The following RAP1GAP2 variants were observed in gnomAD, a reference collection of about 807,000 sequenced individuals.
RAP1GAP2 encodes the protein RAP1 GTPase activating protein 2.
A neutral mutation model predicts 95.0 loss-of-function variants in RAP1GAP2; 27 were observed. That is an observed-to-expected ratio of 0.28 (90% CI 0.21 to 0.39). RAP1GAP2 has a LOEUF of 0.39. Ranked by LOEUF, RAP1GAP2 falls within the 10% of genes least tolerant of loss-of-function variation. RAP1GAP2 has a pLI of 1.00. For synonymous variants in RAP1GAP2, 373 were observed against 380.9 expected (o/e 0.98, Z 0.24); for missense variants, 771 against 970.0 (o/e 0.79, Z 2.72).
intron 18 of RAP1GAP2, among the ~76,000 whole-genome samples, chr17:3,020,087 G>C (rs1271893754): frequency 6.6e-6 from 1 of 152,244 alleles, no homozygotes; most frequent in Non-Finnish European, 1.5e-5. Flanking sequence ...AAGACCTTTG[G>C]TCTTCAGCTT....
chr17:2,895,702 G>A (rs1357439360), intron 2 of RAP1GAP2, among the ~76,000 whole-genome samples: 9 of 151,854 alleles, frequency 5.9e-5, no homozygotes, highest in South Asian at 2.1e-4. Context: ...TCAGCCTCCC[G>A]AGTAGCTGGG....
At chr17:2,808,284 G>A (rs78825958) in intron 2 of RAP1GAP2, among the ~76,000 whole-genome samples, 5,411 of 152,214 alleles carry the variant, frequency 0.036, 194 homozygotes, top group East Asian at 0.15. Flanking sequence ...GTGAAGGTGA[G>A]AAGAAGGGTC....
intron 2 of RAP1GAP2, among the ~76,000 whole-genome samples, chr17:2,833,689 CAAAAAA>C (rs112909808): frequency 5.6e-5 from 3 of 53,694 alleles, no homozygotes; most frequent in South Asian, 8.5e-4. Flanking sequence ...GACTCCGTCT[CAAAAAA>C]AAAAAAAAAA....
At chr17:2,927,197 AG>A (rs1276600893) in intron 3 of RAP1GAP2, among the ~76,000 whole-genome samples, 2 of 148,910 alleles carry the variant, frequency 1.3e-5, no homozygotes, top group Non-Finnish European at 3.0e-5. Context: ...TCTGTCACCC[AG>A]GCTGGAGTGC....
chr17:2,831,202 G>C (rs182458693), intron 2 of RAP1GAP2, among the ~76,000 whole-genome samples: 1 of 146,066 alleles, frequency 6.8e-6, no homozygotes, highest in Non-Finnish European at 1.5e-5. Context: ...TTAGCCTCCC[G>C]AGTAGTTGGG....
At chr17:2,911,260 A>ATTTTTTTTTTTTTTTTTTTTTTTTT (rs34227127) in intron 3 of RAP1GAP2, among the ~76,000 whole-genome samples, 1 of 132,032 alleles carries the variant, frequency 7.6e-6, no homozygotes, top group Non-Finnish European at 1.6e-5. Context: ...TTTGAAGGGG[A>ATTTTTTTTTTTTTTTTTTTTTTTTT]TTTTTTTTTT....
chr17:3,011,680 T>A (rs2046552627), intron 17 of RAP1GAP2, among the ~76,000 whole-genome samples: 1 of 139,262 alleles, frequency 7.2e-6, no homozygotes, highest in Admixed American at 8.1e-5. Flanking sequence ...AGTGCAGTGG[T>A]GCGACCTCGG....
rs539504764 is a variant in RAP1GAP2 at position 2,802,360 on chromosome 17, C to T, written c.80+1810C>T. Among the ~76,000 whole-genome samples the T allele has an allele frequency of 1.2e-4, 19 of 152,254 alleles. 1 individual carries two copies. The South Asian group carries it at 2.3e-3, about 18-fold the overall frequency. The stretch of plus-strand genomic sequence containing the variant: ...GGTGAGGCTGGGCAGTTCGCAGGGC[C>T]GGGATGGAGGACAGACTTTTCCTGC... On this transcript the variant is annotated intron_variant, in intron 2 of 24. Transcript: ENST00000254695.
intron 3 of RAP1GAP2, among the ~76,000 whole-genome samples, chr17:2,936,977 A>G (rs2043327240): frequency 6.6e-6 from 1 of 152,240 alleles, no homozygotes; most frequent in Admixed American, 6.5e-5. Context: ...TCTGTGTGCC[A>G]GGTGCTGGGA....
intron 3 of RAP1GAP2, among the ~76,000 whole-genome samples, chr17:2,948,120 G>A (rs1221454777): frequency 6.6e-6 from 1 of 152,216 alleles, no homozygotes; most frequent in African/African-American, 2.4e-5. Context: ...CTCTGTACAC[G>A]CTGGCCCGTG....
chr17:3,021,698 G>A (rs2046967935), intron 19 of RAP1GAP2, among the ~76,000 whole-genome samples: 2 of 152,230 alleles, frequency 1.3e-5, no homozygotes, highest in African/African-American at 4.8e-5. Context: ...GCCTCCCAAA[G>A]TGTTGGGATT....
At chr17:2,967,994 AAAG>A (rs1000818399) in intron 8 of RAP1GAP2, among the ~76,000 whole-genome samples, 143 of 152,208 alleles carry the variant, frequency 9.4e-4, no homozygotes, top group African/African-American at 2.7e-4. Context: ...GTTTGGATAT[AAAG>A]AAGAAGAAGT....
At chr17:2,955,292 G>A (rs773842318) in intron 3 of RAP1GAP2, among the ~76,000 whole-genome samples, 5 of 152,218 alleles carry the variant, frequency 3.3e-5, no homozygotes, top group Non-Finnish European at 7.3e-5. Flanking sequence ...GCTCACGCCT[G>A]TGATAGTCTG....
intron 3 of RAP1GAP2, among the ~76,000 whole-genome samples, chr17:2,955,456 C>T (rs1023555780): frequency 1.3e-5 from 2 of 152,080 alleles, no homozygotes; most frequent in African/African-American, 4.8e-5. Flanking sequence ...ATCCTTTGCC[C>T]GTTTTTAAAT....
upstream of RAP1GAP2, among the ~76,000 whole-genome samples, chr17:2,773,449 C>A (rs2068436207): frequency 6.6e-6 from 1 of 152,148 alleles, no homozygotes; most frequent in South Asian, 2.1e-4. Context: ...TGACACAGAG[C>A]CACATGGGCA....
chr17:2,912,877 T>C (rs575593266), intron 3 of RAP1GAP2, among the ~76,000 whole-genome samples: 1 of 152,228 alleles, frequency 6.6e-6, no homozygotes, highest in South Asian at 2.1e-4. Flanking sequence ...CTAGGAGGCT[T>C]TAAGAACATG....
intron 3 of RAP1GAP2, among the ~76,000 whole-genome samples, chr17:2,927,433 G>C (rs112391906): frequency 2.6e-5 from 4 of 151,804 alleles, no homozygotes; most frequent in South Asian, 2.1e-4. Flanking sequence ...GATTACAGGC[G>C]TGAGCCACCG....
In RAP1GAP2 at chr17:2,832,501, T is replaced by G. The variant is rs1348074405; in HGVS notation, c.80+31951T>G. Among the ~76,000 whole-genome samples the G allele has an allele frequency of 3.6e-5, 5 of 137,138 alleles. No individual in the cohort carries two copies. The Admixed American group carries it at 4.2e-4, about 11-fold the overall frequency. 90.0% of individuals were successfully genotyped at this position (137,138 alleles called of 152,430 possible). A position where few individuals can be genotyped will look rare whatever the true frequency, so the allele number is the denominator to read the frequency against. On this transcript the variant is annotated intron_variant, in intron 2 of 24. Transcript: ENST00000254695. ...TGAACCCAGGAGGTGGAGGTTGCAG[T>G]GAGCCGAGATCGCGCCACTGCACTC...
At position 3,027,792 on chromosome 17, in the gene RAP1GAP2, GGGGAGA is replaced by G. The variant is rs1341669455; in HGVS notation, c.2107+725_2107+730del. On this transcript the variant is annotated intron_variant, in intron 22 of 24. Transcript: ENST00000254695. This position sits in a 1 kb window ranked among gnomAD's most constrained non-coding sequence, Gnocchi z 5.2. ...GAGCAGAGGGGAGGGATGGAGGGGA[GGGGAGA>G]GGAGGGGAGGGGAGCTGCGGCAGAA... is the stretch of plus-strand genomic sequence containing the variant. Among the ~76,000 whole-genome samples the G allele has an allele frequency of 4.0e-5, 6 of 150,676 alleles. No individual in the cohort carries two copies. Among genetic ancestry groups the G allele is most frequent in the Non-Finnish European group, 5.9e-5 (4 of 67,594 alleles).
Sources: allele counts gnomAD v4.1 joint callset (sites outside exome capture counted in the v4.1 genomes callset), GRCh38; gene constraint gnomAD v4.1.1; non-coding constraint Gnocchi (gnomAD v3.1); transcripts MANE v1.5; gene names NCBI Gene and HGNC (gene_info 2026-07-23, HGNC 2026-07-21).